The following GLB1 variants were observed in gnomAD, a reference collection of about 807,000 sequenced individuals.
The protein encoded by GLB1 is beta-galactosidase.
A neutral mutation model predicts 74.0 loss-of-function variants in GLB1; 56 were observed. That is an observed-to-expected ratio of 0.76 (90% confidence interval 0.61 to 0.94). The LOEUF (loss-of-function observed/expected upper bound fraction) is 0.94, where lower values mean the gene tolerates loss of function less well. Among genes scored for constraint, GLB1 ranks in the 40% least tolerant of loss-of-function variants. The pLI is 0.00. For missense variants in GLB1, 787 were observed against 845.5 expected (o/e 0.93, Z 0.86); for synonymous variants, 323 against 323.6 (o/e 1.00, Z 0.02).
At chr3:33,012,213 G>A in intron 15 of GLB1, among the ~76,000 whole-genome samples, 1 of 152,068 alleles carries the variant, frequency 6.6e-6, no homozygotes, top group East Asian at 1.9e-4. Flanking sequence ...TCCCTGCCCT[G>A]AATTCCCAGC....
intron 10 of GLB1, among the ~76,000 whole-genome samples, chr3:33,026,566 G>A (rs1184048132): frequency 2.0e-5 from 3 of 152,160 alleles, no homozygotes; most frequent in Non-Finnish European, 4.4e-5. Flanking sequence ...TGGGGTTCGG[G>A]CCACTAGTCT....
chr3:33,030,656 G>C (rs1697966187), intron 10 of GLB1: 2 of 985,236 alleles, frequency 2.0e-6, no homozygotes, highest in African/African-American at 1.7e-5. Flanking sequence ...AATCACTGTG[G>C]CTGTTCTCCC....
intron 11 of GLB1, among the ~76,000 whole-genome samples, chr3:33,022,563 G>GCTTTTTTTTTTTTTTTT (rs1380045437): frequency 6.5e-5 from 1 of 15,318 alleles, no homozygotes; most frequent in African/African-American, 1.0e-4. Flanking sequence ...TACTGGTTAG[G>GCTTTTTTTTTTTTTTTT]ATTTTTTTTT....
At chr3:33,092,661 G>C in intron 1 of GLB1, 1 of 1,398,572 alleles carries the variant, frequency 7.2e-7, no homozygotes, top group Non-Finnish European at 9.3e-7. Flanking sequence ...AAACCAGCCT[G>C]AACATGCCAG....
chr3:32,967,062 T>C, the GLB1 span, among the ~76,000 whole-genome samples: 1 of 152,142 alleles, frequency 6.6e-6, no homozygotes, highest in Non-Finnish European at 1.5e-5. Flanking sequence ...CTCCCCAGGA[T>C]CAGGAACAAG....
chr3:33,040,590 G>C (rs371084881), intron 10 of GLB1, among the ~76,000 whole-genome samples: 2 of 152,054 alleles, frequency 1.3e-5, no homozygotes, highest in Non-Finnish European at 2.9e-5. Context: ...CAGCCTGGGC[G>C]AGAGTGAAAC....
At chr3:33,071,666 ATCT>A (rs1347221456) in intron 2 of GLB1, among the ~76,000 whole-genome samples, 2 of 151,882 alleles carry the variant, frequency 1.3e-5, no homozygotes, top group African/African-American at 2.4e-5. Flanking sequence ...TTAGAAGCAA[ATCT>A]TCTTTCTCTG....
chr3:33,008,776 A>G (rs1384188926), intron 15 of GLB1, among the ~76,000 whole-genome samples: 2 of 152,186 alleles, frequency 1.3e-5, no homozygotes, highest in African/African-American at 4.8e-5. Flanking sequence ...AAGGAGGCAG[A>G]GTAGAAGGCC....
intron 10 of GLB1, chr3:33,037,944 C>T (rs1698343161): frequency 7.1e-6 from 1 of 140,550 alleles, no homozygotes; most frequent in African/African-American, 2.7e-5. Context: ...AGTCAACACT[C>T]AAGTTTTGTT....
At chr3:33,096,962 A>G in intron 1 of GLB1, 49 bp downstream of exon 1, 1 of 1,598,310 alleles carries the variant, frequency 6.3e-7, no homozygotes, top group South Asian at 1.1e-5. Context: ...GTTCCCCGCC[A>G]GCCTGTCCCC....
intron 5 of GLB1, among the ~76,000 whole-genome samples, chr3:33,060,845 TAC>T: frequency 6.6e-6 from 1 of 152,218 alleles, no homozygotes; most frequent in East Asian, 1.9e-4. Context: ...CTGTAAAGTG[TAC>T]CTAACTCGAT....
chr3:33,061,126 C>A (rs1699425812), intron 5 of GLB1, among the ~76,000 whole-genome samples: 1 of 152,102 alleles, frequency 6.6e-6, no homozygotes, highest in Non-Finnish European at 1.5e-5. Context: ...GAATAAAACA[C>A]CAGGCTGGGC....
At chr3:33,059,391 A>G (rs1006226320) in intron 5 of GLB1, among the ~76,000 whole-genome samples, 2 of 152,216 alleles carry the variant, frequency 1.3e-5, no homozygotes, top group Non-Finnish European at 2.9e-5. Context: ...CTTGGGGGCA[A>G]TGATGAAAAA....
the GLB1 span, among the ~76,000 whole-genome samples, chr3:32,984,233 G>C: frequency 1.1e-4 from 17 of 152,126 alleles, no homozygotes; most frequent in African/African-American, 3.9e-4. Context: ...GCCTTGCTCA[G>C]CATCAAGGTA....
intron 1 of GLB1, among the ~76,000 whole-genome samples, chr3:33,077,846 T>G (rs1426039056): frequency 1.3e-5 from 2 of 148,510 alleles, no homozygotes; most frequent in Non-Finnish European, 3.0e-5. Flanking sequence ...TTTGCTGTTT[T>G]AACAAAAAAA....
chr3:33,084,268 T>C (rs1410117032), intron 1 of GLB1, among the ~76,000 whole-genome samples: 1 of 152,182 alleles, frequency 6.6e-6, no homozygotes, highest in Non-Finnish European at 1.5e-5. Context: ...GGTATTTGCA[T>C]AACACGGGCT....
intron 15 of GLB1, among the ~76,000 whole-genome samples, chr3:33,010,230 C>A (rs1049060904): frequency 1.3e-5 from 2 of 152,188 alleles, no homozygotes; most frequent in African/African-American, 4.8e-5. Context: ...TTCCCTTTCC[C>A]CCATGTCCTT....
intron 15 of GLB1, 142 bp downstream of exon 15, chr3:33,013,914 T>C (rs1397610507): frequency 6.8e-6 from 10 of 1,474,480 alleles, no homozygotes; most frequent in Non-Finnish European, 9.2e-6. Context: ...TCTGCCACAA[T>C]CCGCCTCCTG....
At chr3:33,023,431 A>G (rs1458830848) in intron 11 of GLB1, among the ~76,000 whole-genome samples, 2 of 152,222 alleles carry the variant, frequency 1.3e-5, no homozygotes, top group Non-Finnish European at 2.9e-5. Context: ...GAACTCAACC[A>G]ACCAACCATG....
Sources: allele counts gnomAD v4.1 joint callset (sites outside exome capture counted in the v4.1 genomes callset), GRCh38; gene constraint gnomAD v4.1.1; transcripts MANE v1.5; gene names NCBI Gene and HGNC (gene_info 2026-07-23, HGNC 2026-07-21).